DNAH3: variants seen among roughly 807,000 people sequenced by gnomAD.
The protein encoded by DNAH3 is axonemal beta dynein heavy chain 3.
A neutral mutation model predicts 432.5 loss-of-function variants in DNAH3; 332 were observed. The observed-to-expected ratio is 0.77, with a 90% CI of 0.70 to 0.84. DNAH3 has a LOEUF of 0.84. Ranked by LOEUF, DNAH3 falls within the 40% of genes least tolerant of loss-of-function variation. The pLI, the probability that DNAH3 is intolerant of heterozygous loss-of-function variation, is 0.00. For synonymous variants in DNAH3, 1,956 were observed against 1,900.2 expected (o/e 1.03, Z -0.76); for missense variants, 4,861 against 5,114.0 (o/e 0.95, Z 1.51).
chr16:21,154,059 G>C (rs2092882767), intron 1 of DNAH3, among the ~76,000 whole-genome samples: 1 of 152,212 alleles, frequency 6.6e-6, no homozygotes, highest in Non-Finnish European at 1.5e-5. Flanking sequence ...TATACTGGGT[G>C]TGAAACCTCA....
At chr16:21,031,007 C>T in intron 37 of DNAH3, 38 bp downstream of exon 37, 1 of 1,607,190 alleles carries the variant, frequency 6.2e-7, no homozygotes, top group Non-Finnish European at 8.5e-7. Context: ...GAGTTTATGT[C>T]TCACTCATGG....
At chr16:20,975,374 T>G in exon 51 of DNAH3, 1 of 1,614,148 alleles carries the variant, frequency 6.2e-7, no homozygotes, top group Non-Finnish European at 8.5e-7. Context: ...TGAGGATGAG[T>G]TGAGGTTGAA....
At chr16:20,971,796 G>A (rs1034842681) in intron 51 of DNAH3, among the ~76,000 whole-genome samples, 1 of 152,254 alleles carries the variant, frequency 6.6e-6, no homozygotes, top group African/African-American at 2.4e-5. Flanking sequence ...CATGTGGAAA[G>A]GGGCTAGCCT....
exon 25 of DNAH3, chr16:21,062,638 C>T (rs537589062): frequency 1.9e-6 from 3 of 1,614,022 alleles, no homozygotes; most frequent in East Asian, 2.2e-5. Flanking sequence ...GGTCCTTTGT[C>T]TCGGACAAGA....
intron 61 of DNAH3, among the ~76,000 whole-genome samples, 165 bp downstream of exon 61, chr16:20,935,183 G>C (rs866383870): frequency 6.6e-6 from 1 of 152,106 alleles, no homozygotes; most frequent in African/African-American, 2.4e-5. Context: ...AATTATTTTA[G>C]GAGTAGCTTT....
At chr16:21,106,700 A>T in intron 14 of DNAH3, 26 bp from the exon 15 acceptor site, 1 of 1,397,694 alleles carries the variant, frequency 7.2e-7, no homozygotes, top group Non-Finnish European at 9.6e-7. Context: ...AGCCATTGTT[A>T]TCATCATCAT....
exon 8 of DNAH3, chr16:21,127,782 T>G (rs1228639213): frequency 6.2e-7 from 1 of 1,614,174 alleles, no homozygotes; most frequent in South Asian, 1.1e-5. Flanking sequence ...CTAGTATTTC[T>G]GCTGTTCGAA....
At chr16:21,106,889 TAA>T (rs2152801056) in intron 14 of DNAH3, among the ~76,000 whole-genome samples, 1 of 152,268 alleles carries the variant, frequency 6.6e-6, no homozygotes, top group South Asian at 2.1e-4. Flanking sequence ...GTAATGATAA[TAA>T]TACCTGTTAT....
intron 20 of DNAH3, among the ~76,000 whole-genome samples, chr16:21,076,597 A>C (rs911796248): frequency 6.6e-6 from 1 of 152,218 alleles, no homozygotes; most frequent in Non-Finnish European, 1.5e-5. Context: ...GATAGATCCC[A>C]GAACAGGACA....
rs112502190 is a variant in DNAH3 at position 20,989,092 on chromosome 16, G to T, written c.6602-1027C>A. 6.6e-5 allele frequency among the ~76,000 whole-genome samples: 10 copies of T among 152,290 alleles called. No individual in the cohort carries two copies. The East Asian group carries it at 1.5e-3, about 24-fold the overall frequency. Reference sequence around the variant, plus strand: ...CGAAAGAACAAAGCTTCCACAGTGCGGAAAGAGACCCGAGCGGGTTACCAC... The same window carrying T: ...CGAAAGAACAAAGCTTCCACAGTGCTGAAAGAGACCCGAGCGGGTTACCAC... On this transcript the variant is annotated intron_variant, in intron 44 of 61. Transcript: ENST00000261383.
intron 41 of DNAH3, among the ~76,000 whole-genome samples, chr16:21,012,581 T>G (rs2087655598): frequency 6.6e-6 from 1 of 152,154 alleles, no homozygotes; most frequent in Non-Finnish European, 1.5e-5. Context: ...CAATCAGTAG[T>G]TGGCAGATAA....
chr16:21,119,659 C>A (rs1271069634), intron 11 of DNAH3, among the ~76,000 whole-genome samples: 1 of 151,244 alleles, frequency 6.6e-6, no homozygotes, highest in African/African-American at 2.4e-5. Flanking sequence ...TGCAATGGCG[C>A]AATCTAGGCT....
chr16:21,037,201 C>T (rs949718056), intron 34 of DNAH3, among the ~76,000 whole-genome samples: 5 of 152,022 alleles, frequency 3.3e-5, no homozygotes, highest in Admixed American at 2.6e-4. Flanking sequence ...CCCAGCTATT[C>T]GGGAGGCTGA....
chr16:21,151,587 G>A (rs775283741), intron 1 of DNAH3, among the ~76,000 whole-genome samples: 1 of 151,972 alleles, frequency 6.6e-6, no homozygotes, highest in African/African-American at 2.4e-5. Flanking sequence ...GAGCCACTGC[G>A]CCCAGCCCAG....
rs377142647 is a variant in DNAH3 at position 21,029,729 on chromosome 16, T to C, written c.5439+1316A>G. ...AGATTGGTGGTATTTTTGCAAAGAT[T>C]GCTATATTTTCCAAAGGTCCTGGCA... On this transcript the variant is annotated intron_variant, in intron 37 of 61. Transcript: ENST00000261383. Among the ~76,000 whole-genome samples the C allele has an allele frequency of 9.8e-5, 15 of 152,322 alleles. No homozygotes were observed. In the South Asian group the frequency reaches 2.5e-3, roughly 25 times the overall value.
Position 20,936,651 on chromosome 16 carries a change from GGAA to G in DNAH3, c.11854_11856del (p.Phe3952del), listed in dbSNP as rs750438637. ...GGTTACCCCTGACTCCCAGGTACCTGGAAGAAGGTCAGGCGGGCCAGCAGGTCA... is the reference window on the plus strand; with the variant it reads ...GGTTACCCCTGACTCCCAGGTACCTGGAAGGTCAGGCGGGCCAGCAGGTCA... On this transcript the variant is annotated inframe_deletion, in exon 60 of 62. Transcript: ENST00000261383. 6.3e-6 allele frequency: 10 copies of G among 1,592,778 alleles called. No homozygotes were observed. The East Asian group carries it at 1.6e-4, about 25-fold the overall frequency.
Position 21,042,412 on chromosome 16 carries a change from AAT to A in DNAH3, c.4462-211_4462-210del, listed in dbSNP as rs533225184. The stretch of plus-strand genomic sequence containing the variant: ...GTGCATGTGCGTGTGTGTGTGTGTT[AAT>A]AGTTTCCATAGTACTTTATCTTTGT... On this transcript the variant is annotated intron_variant, in intron 31 of 61. Coordinates refer to ENST00000261383, the Ensembl canonical transcript of DNAH3. Among the ~76,000 whole-genome samples the A allele has an allele frequency of 5.7e-3, 872 of 152,226 alleles. 2 individuals carry two copies. The highest frequency in any genetic ancestry group is 0.019 in the South Asian group (93 of 4,820).
chr16:21,052,152 T>G (rs930775948), intron 28 of DNAH3, among the ~76,000 whole-genome samples: 5 of 151,958 alleles, frequency 3.3e-5, no homozygotes, highest in African/African-American at 1.2e-4. Flanking sequence ...CCACCACACC[T>G]GGCTAATTTT....
chr16:21,156,162 CTTATTTTATT>C (rs150133557), intron 1 of DNAH3, among the ~76,000 whole-genome samples: 3,013 of 144,684 alleles, frequency 0.021, 99 homozygotes, highest in African/African-American at 0.067. Flanking sequence ...GGGAGTTATT[CTTATTTTATT>C]TTATTTTATT....
Sources: gnomAD v4.1 joint callset for allele counts (sites outside exome capture counted in the v4.1 genomes callset) on GRCh38, gnomAD v4.1.1 for gene constraint, MANE v1.5 for transcripts, NCBI Gene and HGNC (gene_info 2026-07-23, HGNC 2026-07-21) for gene names.